KCNIP4: variants seen among roughly 807,000 people sequenced by gnomAD.
The protein encoded by KCNIP4 is Kv channel-interacting protein 4.
KCNIP4 carries 12 observed loss-of-function variants against 34.0 expected under a neutral mutation model. The ratio of observed to expected loss-of-function variants is 0.35; its 90% CI spans 0.23 to 0.57. The LOEUF is 0.57. Ranked by LOEUF, KCNIP4 falls within the 20% of genes least tolerant of loss-of-function variation. The probability of loss-of-function intolerance (pLI) is 0.83; values close to 1 mark genes in which losing one functional copy is unlikely to be tolerated. For missense variants in KCNIP4, 238 were observed against 311.7 expected (o/e 0.76, Z 1.78); for synonymous variants, 124 against 102.2 (o/e 1.21, Z -1.29).
intron 1 of KCNIP4, among the ~76,000 whole-genome samples, chr4:21,395,211 C>T (rs1396970827): frequency 1.3e-5 from 2 of 152,032 alleles, no homozygotes; most frequent in Non-Finnish European, 1.5e-5. Context: ...TCCATAAATC[C>T]CTTTAGGGCA....
intron 1 of KCNIP4, among the ~76,000 whole-genome samples, chr4:21,384,138 C>T (rs1721796352): frequency 2.0e-5 from 3 of 152,082 alleles, no homozygotes; most frequent in South Asian, 2.1e-4. Flanking sequence ...TCATCACCTC[C>T]TCAGAAAGTC....
intron 1 of KCNIP4, among the ~76,000 whole-genome samples, chr4:21,707,128 T>A (rs948441151): frequency 3.9e-5 from 6 of 152,148 alleles, no homozygotes; most frequent in Non-Finnish European, 8.8e-5. Flanking sequence ...TAGGTCTAAA[T>A]TGACCACAAA....
At chr4:21,303,462 A>G (rs1711982057) in intron 1 of KCNIP4, among the ~76,000 whole-genome samples, 1 of 152,224 alleles carries the variant, frequency 6.6e-6, no homozygotes, top group African/African-American at 2.4e-5. Flanking sequence ...TGCCGATACA[A>G]TAAAAGGAGG....
At chr4:20,907,007 T>C (rs1727838821) in intron 1 of KCNIP4, among the ~76,000 whole-genome samples, 1 of 152,196 alleles carries the variant, frequency 6.6e-6, no homozygotes, top group African/African-American at 2.4e-5. Flanking sequence ...ATCTTCAGCA[T>C]ATAGAACAGT....
chr4:20,756,750 C>T (rs1029430754), intron 4 of KCNIP4, among the ~76,000 whole-genome samples: 7 of 152,044 alleles, frequency 4.6e-5, no homozygotes, highest in African/African-American at 1.7e-4. Flanking sequence ...TGATCCTTAC[C>T]TTACTGGACT....
At chr4:21,692,930 G>A (rs988394506) in intron 1 of KCNIP4, among the ~76,000 whole-genome samples, 2 of 144,022 alleles carry the variant, frequency 1.4e-5, no homozygotes, top group Non-Finnish European at 3.0e-5. Flanking sequence ...AGATGTGTCT[G>A]CCCTATGTGT....
chr4:20,901,212 A>G (rs1365874638), intron 1 of KCNIP4, among the ~76,000 whole-genome samples: 1 of 152,256 alleles, frequency 6.6e-6, no homozygotes, highest in Non-Finnish European at 1.5e-5. Flanking sequence ...TAAGCATGAA[A>G]AAGTTTAGGA....
At chr4:21,559,522 A>G (rs557883566) in intron 1 of KCNIP4, among the ~76,000 whole-genome samples, 7 of 152,250 alleles carry the variant, frequency 4.6e-5, no homozygotes, top group African/African-American at 1.4e-4. Context: ...AGTTCGGAGT[A>G]TACAGAAGGA....
intron 1 of KCNIP4, among the ~76,000 whole-genome samples, chr4:21,385,232 G>C (rs16870996): frequency 0.047 from 7,174 of 152,208 alleles, 427 homozygotes; most frequent in African/African-American, 0.13. Context: ...TGGTTAAAGG[G>C]TGTTCATGGC....
At chr4:20,850,882 T>C (rs150043173) in intron 2 of KCNIP4, 22 of 424,024 alleles carry the variant, frequency 5.2e-5, no homozygotes, top group African/African-American at 3.5e-4. Flanking sequence ...TTCTTGTCAT[T>C]AATGTAGATA....
At chr4:21,549,689 A>G (rs1738409199) in intron 1 of KCNIP4, among the ~76,000 whole-genome samples, 1 of 152,084 alleles carries the variant, frequency 6.6e-6, no homozygotes, top group Non-Finnish European at 1.5e-5. Context: ...CACTACTTCT[A>G]TGTTACTAAT....
At chr4:21,493,241 C>T (rs1376908210) in intron 1 of KCNIP4, among the ~76,000 whole-genome samples, 1 of 152,084 alleles carries the variant, frequency 6.6e-6, no homozygotes, top group African/African-American at 2.4e-5. Flanking sequence ...CAATTTACCC[C>T]ACAGCCTCTA....
intron 1 of KCNIP4, among the ~76,000 whole-genome samples, chr4:21,120,126 C>T (rs928998781): frequency 6.6e-6 from 1 of 152,186 alleles, no homozygotes; most frequent in Admixed American, 6.5e-5. Context: ...TGTTTCTAGA[C>T]ATCGGGAAAT....
chr4:21,875,823 T>C (rs1726079590), intron 1 of KCNIP4, among the ~76,000 whole-genome samples: 1 of 152,200 alleles, frequency 6.6e-6, no homozygotes, highest in Non-Finnish European at 1.5e-5. Context: ...TTTTTCTAAT[T>C]GGCACGAGAA....
At chr4:21,369,671 G>A (rs959732218) in intron 1 of KCNIP4, among the ~76,000 whole-genome samples, 1 of 147,076 alleles carries the variant, frequency 6.8e-6, no homozygotes, top group Non-Finnish European at 1.5e-5. Flanking sequence ...AGTAGTTGTA[G>A]CACTTACTTA....
At chr4:21,031,763 G>A (rs964074605) in intron 1 of KCNIP4, among the ~76,000 whole-genome samples, 1 of 152,138 alleles carries the variant, frequency 6.6e-6, no homozygotes, top group Admixed American at 6.6e-5. Flanking sequence ...ATACAAATTC[G>A]AGTTATGTAG....
chr4:20,965,561 T>G lies in KCNIP4; in HGVS notation c.62-82852A>C, dbSNP rs1391662339. On this transcript the variant is annotated intron_variant, in intron 1 of 8. Coordinates refer to ENST00000382152, the MANE Select transcript of KCNIP4 (RefSeq NM_025221.6). ...TTATTCCAGGACTTAACTTGTGCCC[T>G]AAAGAATAGACATATTCTGGTCTCT... is the stretch of plus-strand genomic sequence containing the variant. Among the ~76,000 whole-genome samples, 4 of 152,328 alleles carry G rather than the reference T, an allele frequency of 2.6e-5. No homozygotes were observed. In the East Asian group the frequency reaches 7.7e-4, roughly 29 times the overall value.
intron 1 of KCNIP4, among the ~76,000 whole-genome samples, chr4:21,199,111 T>A (rs1332037770): frequency 6.6e-6 from 1 of 152,294 alleles, no homozygotes; most frequent in East Asian, 1.9e-4. Flanking sequence ...CTGGGTCAAA[T>A]GGTATTTCAA....
At chr4:21,849,909 G>A (rs1013306869) in intron 1 of KCNIP4, 1 of 151,736 alleles carries the variant, frequency 6.6e-6, no homozygotes, top group African/African-American at 2.4e-5. Flanking sequence ...AGGCCTTCAG[G>A]GCATAAGTAA....
Sources: allele counts gnomAD v4.1 joint callset (sites outside exome capture counted in the v4.1 genomes callset), GRCh38; gene constraint gnomAD v4.1.1; transcripts MANE v1.5; gene names NCBI Gene and HGNC (gene_info 2026-07-23, HGNC 2026-07-21).